The following PRR16 variants were observed in gnomAD, a reference collection of about 807,000 sequenced individuals.
PRR16 encodes protein Largen.
In PRR16, 6 loss-of-function variants were observed where a neutral mutation model predicts 18.2. The observed-to-expected ratio is 0.33, with a 90% CI of 0.18 to 0.65. PRR16 has a LOEUF of 0.65. Among genes scored for constraint, PRR16 ranks in the 30% least tolerant of loss-of-function variants. The pLI is 0.74. For missense variants in PRR16, 412 were observed against 376.6 expected, an observed-to-expected ratio of 1.09 and a Z score of -0.78; for synonymous variants, 151 against 147.8, an observed-to-expected ratio of 1.02 and a Z score of -0.16.
Position 120,665,017 on chromosome 5 carries a change from C to T in PRR16, c.160-20937C>T, listed in dbSNP as rs550025692. Among the ~76,000 whole-genome samples, 128 of 151,138 alleles carry T rather than the reference C, an allele frequency of 8.5e-4. 1 individual carries two copies. The highest frequency in any genetic ancestry group is 3.4e-3 in the Middle Eastern group (1 of 292). ...AAATGGTATTTCTAGTTCTAGATCC[C>T]TGAGGAATCGCCACACTGACTTCCA... On this transcript the variant is annotated intron_variant, in intron 1 of 1. Coordinates refer to ENST00000407149, the MANE Select transcript of PRR16 (RefSeq NM_001300783.2).
rs757326142 is a variant in PRR16 at position 120,686,203 on chromosome 5, C to A, written c.409C>A (p.Pro137Thr). ...PRLTPVKCED[P>T]KRVVPTANPV... ...GTTGACACCTGTGAAGTGTGAAGACCCCAAAAGGGTGGTTCCAACTGCCAA... is the reference window on the plus strand; with the variant it reads ...GTTGACACCTGTGAAGTGTGAAGACACCAAAAGGGTGGTTCCAACTGCCAA... The change falls in exon 2 of 2, where the codon CCC becomes ACC. Residue 137 changes from proline to threonine, a missense_variant. Coordinates refer to ENST00000407149, the MANE Select transcript of PRR16 (RefSeq NM_001300783.2). The A allele has an allele frequency of 6.2e-7, 1 of 1,614,110 alleles. No homozygotes were observed. The highest frequency in any genetic ancestry group is 1.7e-5 in the Admixed American group (1 of 60,016).
At chr5:120,745,957 C>A in the PRR16 span, among the ~76,000 whole-genome samples, 1 of 151,206 alleles carries the variant, frequency 6.6e-6, no homozygotes, top group Non-Finnish European at 1.5e-5. Flanking sequence ...AGTGATTCAC[C>A]CATCTTTGCC....
chr5:120,709,782 C>T, the PRR16 span, among the ~76,000 whole-genome samples: 1 of 152,148 alleles, frequency 6.6e-6, no homozygotes, highest in Non-Finnish European at 1.5e-5. Flanking sequence ...TAATAATCTC[C>T]AGTTTCACCC....
At chr5:120,634,595 A>T (rs1755166859) in intron 1 of PRR16, among the ~76,000 whole-genome samples, 1 of 152,178 alleles carries the variant, frequency 6.6e-6, no homozygotes, top group Non-Finnish European at 1.5e-5. Context: ...GTGAGCCAAG[A>T]TCATGCCACT....
chr5:120,732,339 A>AT, the PRR16 span, among the ~76,000 whole-genome samples: 4 of 152,212 alleles, frequency 2.6e-5, no homozygotes, highest in Non-Finnish European at 4.4e-5. Flanking sequence ...CTTTTCCTCC[A>AT]TTTTTTTGGT....
At chr5:120,695,978 C>A in the PRR16 span, among the ~76,000 whole-genome samples, 2 of 151,974 alleles carry the variant, frequency 1.3e-5, no homozygotes, top group Admixed American at 6.6e-5. Flanking sequence ...CACGGTGGCT[C>A]ATGCCTGTAA....
intron 1 of PRR16, among the ~76,000 whole-genome samples, chr5:120,628,311 T>C (rs1754933602): frequency 6.6e-6 from 1 of 152,100 alleles, no homozygotes; most frequent in African/African-American, 2.4e-5. Context: ...TATTTTGTTT[T>C]TAAGACAGTT....
chr5:120,774,228 C>G, the PRR16 span, among the ~76,000 whole-genome samples: 1 of 151,988 alleles, frequency 6.6e-6, no homozygotes, highest in Non-Finnish European at 1.5e-5. Flanking sequence ...TTCTTAGCTA[C>G]CTATGGAGAA....
chr5:120,688,559 T>G (rs978432618), downstream of PRR16, among the ~76,000 whole-genome samples: 3 of 152,166 alleles, frequency 2.0e-5, no homozygotes, highest in South Asian at 4.1e-4. Context: ...AGCCAGGGTT[T>G]TATCATATTT....
chr5:120,752,009 TC>T, the PRR16 span, among the ~76,000 whole-genome samples: 2 of 152,122 alleles, frequency 1.3e-5, no homozygotes, highest in African/African-American at 2.4e-5. Context: ...ACTGACTTTT[TC>T]TGAAGAAGCT....
chr5:120,762,112 G>T, the PRR16 span, among the ~76,000 whole-genome samples: 1 of 151,874 alleles, frequency 6.6e-6, no homozygotes, highest in Admixed American at 6.6e-5. Context: ...TCATTCATTC[G>T]TTGATGGACA....
At chr5:120,783,103 T>C in the PRR16 span, among the ~76,000 whole-genome samples, 1 of 152,170 alleles carries the variant, frequency 6.6e-6, no homozygotes, top group South Asian at 2.1e-4. Flanking sequence ...GCCATCAGAA[T>C]CACAATTGCA....
At chr5:120,723,493 A>G in the PRR16 span, among the ~76,000 whole-genome samples, 2 of 152,048 alleles carry the variant, frequency 1.3e-5, no homozygotes, top group African/African-American at 2.4e-5. Flanking sequence ...CTTTAACCAT[A>G]TAATTAGCAT....
chr5:120,719,867 G>C, the PRR16 span, among the ~76,000 whole-genome samples: 1 of 151,940 alleles, frequency 6.6e-6, no homozygotes, highest in African/African-American at 2.4e-5. Flanking sequence ...AATGACATGT[G>C]TTATATCTAA....
At chr5:120,578,317 G>A (rs1027942952) in intron 1 of PRR16, among the ~76,000 whole-genome samples, 4 of 151,830 alleles carry the variant, frequency 2.6e-5, no homozygotes, top group Admixed American at 2.6e-4. Flanking sequence ...TATGTAGAAC[G>A]TGGAGGTTTG....
chr5:120,760,997 CA>C, the PRR16 span, among the ~76,000 whole-genome samples: 1 of 151,914 alleles, frequency 6.6e-6, no homozygotes, highest in South Asian at 2.1e-4. Context: ...GGAGGGAGAC[CA>C]AACCAGGTCA....
At chr5:120,662,417 G>T (rs957812673) in intron 1 of PRR16, among the ~76,000 whole-genome samples, 1 of 151,882 alleles carries the variant, frequency 6.6e-6, no homozygotes, top group African/African-American at 2.4e-5. Flanking sequence ...TAGTTTGTCA[G>T]TAGTACTATT....
intron 1 of PRR16, among the ~76,000 whole-genome samples, chr5:120,544,243 G>A (rs553327303): frequency 3.3e-5 from 5 of 152,140 alleles, no homozygotes; most frequent in Non-Finnish European, 5.9e-5. Flanking sequence ...CCAGAGGAAT[G>A]CCAGATCTTC....
chr5:120,665,457 T>C (rs1170882284), intron 1 of PRR16, among the ~76,000 whole-genome samples: 1 of 152,138 alleles, frequency 6.6e-6, no homozygotes, highest in Admixed American at 6.5e-5. Context: ...AGCTCTTTAG[T>C]TTAATTAGAT....
Sources: allele counts gnomAD v4.1 joint callset (sites outside exome capture counted in the v4.1 genomes callset), GRCh38; gene constraint gnomAD v4.1.1; transcripts MANE v1.5; gene names NCBI Gene and HGNC (gene_info 2026-07-23, HGNC 2026-07-21).